The following CEP70 variants were observed in gnomAD, a reference collection of about 807,000 sequenced individuals.
The protein encoded by CEP70 is centrosomal protein of 70 kDa.
A neutral mutation model predicts 90.9 loss-of-function variants in CEP70; 70 were observed. The ratio of observed to expected loss-of-function variants is 0.77; its 90% confidence interval spans 0.64 to 0.94. The LOEUF (loss-of-function observed/expected upper bound fraction) is 0.94. Ranked by LOEUF, CEP70 falls within the 40% of genes least tolerant of loss-of-function variation. The pLI, the probability that CEP70 is intolerant of heterozygous loss-of-function variation, is 0.00. For missense variants in CEP70, 648 were observed against 669.0 expected (o/e 0.97, Z 0.35); for synonymous variants, 220 against 228.3 (o/e 0.96, Z 0.33).
intron 6 of CEP70, among the ~76,000 whole-genome samples, chr3:138,539,941 A>T (rs923855842): frequency 6.6e-6 from 1 of 152,192 alleles, no homozygotes; most frequent in African/African-American, 2.4e-5. Context: ...ACCAAAAGCA[A>T]TTGCAACAGA....
intron 6 of CEP70, among the ~76,000 whole-genome samples, chr3:138,549,589 G>A (rs748289873): frequency 3.9e-5 from 6 of 151,958 alleles, no homozygotes; most frequent in Admixed American, 6.6e-5. Flanking sequence ...GCTCAGACAC[G>A]CCTAACCCTG....
intron 7 of CEP70, among the ~76,000 whole-genome samples, chr3:138,533,240 C>A (rs759639312): frequency 6.7e-6 from 1 of 150,168 alleles, no homozygotes; most frequent in African/African-American, 2.5e-5. Context: ...AAGAGCGCAC[C>A]ACTGCACTAC....
intron 6 of CEP70, among the ~76,000 whole-genome samples, chr3:138,544,519 G>T (rs2039032400): frequency 1.3e-5 from 2 of 150,474 alleles, no homozygotes; most frequent in South Asian, 4.2e-4. Flanking sequence ...GTGTATGTAT[G>T]TATGTATGTA....
At chr3:138,553,288 G>A (rs1230972795) in intron 6 of CEP70, among the ~76,000 whole-genome samples, 1 of 152,034 alleles carries the variant, frequency 6.6e-6, no homozygotes, top group Non-Finnish European at 1.5e-5. Context: ...GACCATCCTG[G>A]CTAACACGGT....
intron 17 of CEP70, chr3:138,496,299 T>TC (rs2033953658): frequency 1.0e-6 from 1 of 985,340 alleles, no homozygotes; most frequent in South Asian, 4.7e-5. Context: ...GCCCATGCTC[T>TC]CCTACTATTC....
intron 17 of CEP70, chr3:138,496,226 G>A (rs2033946443): frequency 1.0e-6 from 1 of 985,204 alleles, no homozygotes; most frequent in African/African-American, 1.7e-5. Flanking sequence ...TGCTTTCTTG[G>A]ATTCCAACTC....
At chr3:138,509,684 T>C (rs1560293742) in intron 11 of CEP70, among the ~76,000 whole-genome samples, 1 of 152,138 alleles carries the variant, frequency 6.6e-6, no homozygotes, top group Non-Finnish European at 1.5e-5. Context: ...TAAATAAGTT[T>C]TTTTATTTTA....
At chr3:138,557,775 C>G (rs919755377) in intron 6 of CEP70, among the ~76,000 whole-genome samples, 1 of 152,100 alleles carries the variant, frequency 6.6e-6, no homozygotes, top group Non-Finnish European at 1.5e-5. Context: ...TAACCAAATA[C>G]CACCTGTTAC....
At chr3:138,503,210 A>G (rs1006175540) in intron 13 of CEP70, among the ~76,000 whole-genome samples, 2 of 152,088 alleles carry the variant, frequency 1.3e-5, no homozygotes, top group Non-Finnish European at 2.9e-5. Flanking sequence ...TCTAGCCATC[A>G]CCACTCTACT....
intron 6 of CEP70, among the ~76,000 whole-genome samples, chr3:138,555,334 G>A (rs1235050666): frequency 6.6e-6 from 1 of 150,814 alleles, no homozygotes; most frequent in Non-Finnish European, 1.5e-5. Context: ...CTAGAATATA[G>A]TATCAGAAAA....
rs1246762455 is a variant in CEP70 at position 138,497,109 on chromosome 3, C to G, written c.1732+922G>C. On this transcript the variant is annotated intron_variant, in intron 17 of 17. Transcript: ENST00000264982. ...AAATTACATTTTCACTTGCTGTGATCTTTTTAAACATGAGGACAAGCCTAA... is the reference window on the plus strand; with the variant it reads ...AAATTACATTTTCACTTGCTGTGATGTTTTTAAACATGAGGACAAGCCTAA... 8 of 1,050,810 alleles carry G rather than the reference C, an allele frequency of 7.6e-6. No homozygotes were observed. In the Admixed American group the frequency reaches 1.6e-4, roughly 22 times the overall value. The allele number at this position is 1,050,810 out of a possible 1,614,324, so 65.1% of individuals were successfully genotyped here.
intron 6 of CEP70, among the ~76,000 whole-genome samples, chr3:138,567,180 C>T (rs1264490819): frequency 6.6e-6 from 1 of 152,188 alleles, no homozygotes; most frequent in Non-Finnish European, 1.5e-5. Context: ...CAATATACCT[C>T]AAACATTTGC....
At chr3:138,543,496 G>C (rs1484953174) in intron 6 of CEP70, among the ~76,000 whole-genome samples, 1 of 152,218 alleles carries the variant, frequency 6.6e-6, no homozygotes, top group African/African-American at 2.4e-5. Flanking sequence ...AAGCCTGAGG[G>C]GGCAGGGGGC....
intron 6 of CEP70, among the ~76,000 whole-genome samples, chr3:138,556,985 G>A (rs34284415): frequency 0.13 from 19,780 of 152,026 alleles, 2,729 homozygotes; most frequent in East Asian, 0.38. Context: ...GAATTTCCTC[G>A]TCCTAATAAG....
chr3:138,500,038 C>T (rs1225718940), intron 16 of CEP70, 72 bp downstream of exon 16: 17 of 1,001,882 alleles, frequency 1.7e-5, no homozygotes, highest in Non-Finnish European at 2.4e-5. Flanking sequence ...TCCCAAGTAG[C>T]TGGGACTACA....
chr3:138,557,725 C>T (rs2040119664), intron 6 of CEP70, among the ~76,000 whole-genome samples: 1 of 152,030 alleles, frequency 6.6e-6, no homozygotes, highest in Non-Finnish European at 1.5e-5. Flanking sequence ...CTGCTTGGTG[C>T]ACCAAATCTC....
chr3:138,579,256 G>A (rs183056776), intron 2 of CEP70, among the ~76,000 whole-genome samples: 3 of 152,164 alleles, frequency 2.0e-5, no homozygotes, highest in East Asian at 3.9e-4. Flanking sequence ...GTGCTCTGGG[G>A]TCCTAAATAA....
intron 7 of CEP70, among the ~76,000 whole-genome samples, chr3:138,533,837 T>A (rs1378093260): frequency 6.6e-6 from 1 of 152,126 alleles, no homozygotes; most frequent in Admixed American, 6.5e-5. Context: ...CAGGCTGGAG[T>A]GCAGTGGCGT....
At chr3:138,568,406 T>C (rs1357416621) in intron 6 of CEP70, among the ~76,000 whole-genome samples, 5 of 152,214 alleles carry the variant, frequency 3.3e-5, no homozygotes, top group African/African-American at 1.2e-4. Flanking sequence ...CATCTCAACC[T>C]GTCTGAAAGA....
Sources: allele counts gnomAD v4.1 joint callset (sites outside exome capture counted in the v4.1 genomes callset), GRCh38; gene constraint gnomAD v4.1.1; transcripts MANE v1.5; gene names NCBI Gene and HGNC (gene_info 2026-07-23, HGNC 2026-07-21).